Variants in KRT222 observed in about 807,000 individuals in gnomAD.
KRT222 encodes keratin-like protein KRT222.
KRT222 carries 23 observed loss-of-function variants against 35.0 expected under a neutral mutation model. That is an observed-to-expected ratio of 0.66 (90% CI 0.47 to 0.93). The LOEUF (loss-of-function observed/expected upper bound fraction) is 0.93, where lower values mean the gene tolerates loss of function less well. Among genes scored for constraint, KRT222 ranks in the 40% least tolerant of loss-of-function variants. KRT222 has a pLI of 0.00. For missense variants in KRT222, 339 were observed against 346.3 expected, an observed-to-expected ratio of 0.98 and a Z score of 0.17; for synonymous variants, 108 against 118.8, an observed-to-expected ratio of 0.91 and a Z score of 0.59.
chr17:40,661,783 G>C, intron 2 of KRT222, 133 bp downstream of exon 2: 2 of 1,137,806 alleles, frequency 1.8e-6, no homozygotes, highest in Middle Eastern at 2.1e-4. Context: ...ATTAAACTAG[G>C]ATCAGGGATA....
At chr17:40,658,157 C>G (rs2037358230) in intron 3 of KRT222, among the ~76,000 whole-genome samples, 1 of 147,606 alleles carries the variant, frequency 6.8e-6, no homozygotes, top group South Asian at 2.1e-4. Flanking sequence ...TTTTTTGGAA[C>G]TATTTTTCTT....
At position 40,655,047 on chromosome 17, in the gene KRT222, AAAT is replaced by A. The variant is rs1180477438; in HGVS notation, c.*1352_*1354del. The A allele has an allele frequency of 1.7e-4, 25 of 146,948 alleles. 1 individual carries two copies. The East Asian group carries it at 2.7e-3, about 16-fold the overall frequency. 9.1% of individuals were successfully genotyped at this position (146,948 alleles called of 1,614,324 possible). ...TTGAAATATATATATACATATATAT[AAAT>A]TATATATATGTATATATATAATAAG... On this transcript the variant is annotated 3_prime_UTR_variant, in exon 6 of 6. Transcript: ENST00000394052.
intron 3 of KRT222, among the ~76,000 whole-genome samples, chr17:40,659,483 G>C (rs576940179): frequency 6.6e-6 from 1 of 152,006 alleles, no homozygotes; most frequent in East Asian, 1.9e-4. Context: ...CTCAGGAAAG[G>C]TCTTTTTCAT....
At position 40,665,172 on chromosome 17, in the gene KRT222, C is replaced by A; in HGVS notation, c.-73G>T. 7.0e-7 allele frequency: 1 copy of A among 1,428,700 alleles called. No homozygotes were observed. 88.5% of individuals were successfully genotyped at this position (1,428,700 alleles called of 1,614,324 possible). ...GAGTCGCTGCGGCAGTCTGCTCGGT[C>A]TGCGCGGAAGGCAGGGAGCCTCGCA... On this transcript the variant is annotated 5_prime_UTR_variant, in exon 1 of 6. Coordinates refer to ENST00000394052, the MANE Select transcript of KRT222 (RefSeq NM_152349.3).
intron 3 of KRT222, 97 bp downstream of exon 3, chr17:40,659,890 T>G: frequency 1.1e-6 from 1 of 952,038 alleles, no homozygotes; most frequent in Non-Finnish European, 1.7e-6. Context: ...ATGATGATGA[T>G]GGGGTTTTTG....
rs1350868249 is a variant in KRT222, at chr17:40,655,432, TAAC to T, written c.*967_*969del. 3 of 152,142 alleles carry T rather than the reference TAAC, an allele frequency of 2.0e-5. No homozygotes were observed. Among genetic ancestry groups the T allele is most frequent in the Non-Finnish European group, 4.4e-5 (3 of 67,964 alleles). The allele number at this position is 152,142 out of a possible 1,614,324, so 9.4% of individuals were successfully genotyped here. A position where few individuals can be genotyped will look rare whatever the true frequency, so the allele number is the denominator to read the frequency against. Reference sequence around the variant, plus strand: ...ATCCTCTAAATACTCTTAGCTTAGATAACAATACCGTTATCTTAGTTCACATAA... The same window carrying T: ...ATCCTCTAAATACTCTTAGCTTAGATAATACCGTTATCTTAGTTCACATAA... On this transcript the variant is annotated 3_prime_UTR_variant, in exon 6 of 6. Transcript: ENST00000394052.
rs773379260 is a variant in KRT222 at position 40,662,064 on chromosome 17, C to G, written c.97-20G>C. ...TTCTAGCTAACAAGAAAGCCAACAG[C>G]AACAATAACAAACAAAAAACAAGGA... On this transcript the variant is annotated intron_variant, in intron 1 of 5. Transcript: ENST00000394052. 3 of 1,605,308 alleles carry G rather than the reference C, an allele frequency of 1.9e-6. No homozygotes were observed. The highest frequency in any genetic ancestry group is 1.1e-5 in the South Asian group (1 of 89,066).
intron 5 of KRT222, chr17:40,657,128 C>T (rs969497775): frequency 7.6e-6 from 2 of 263,444 alleles, no homozygotes; most frequent in Non-Finnish European, 1.4e-5. Context: ...AGAAGAATTG[C>T]TTGAACCCGG....
At position 40,656,418 on chromosome 17, in the gene KRT222, G is replaced by A; in HGVS notation, c.872C>T (p.Pro291Leu). The part of the protein sequence containing the change: ...RSCSIPSIKP[P>L]STAN ...ATCTTTGGATTAATTAGCTGTTGATGGAGGTTTGATAGAGGGAATACTGCA... is the reference window on the plus strand; with the variant it reads ...ATCTTTGGATTAATTAGCTGTTGATAGAGGTTTGATAGAGGGAATACTGCA... The change falls in exon 6 of 6, where the codon CCA becomes CTA. Residue 291 changes from proline to leucine, a missense_variant. Coordinates refer to ENST00000394052, the MANE Select transcript of KRT222 (RefSeq NM_152349.3). 1 of 1,612,694 alleles carries A rather than the reference G, an allele frequency of 6.2e-7. No individual in the cohort carries two copies. Among genetic ancestry groups the A allele is most frequent in the Non-Finnish European group, 8.5e-7 (1 of 1,178,830 alleles).
In KRT222 at chr17:40,656,343, G is replaced by T; in HGVS notation, c.*59C>A. On this transcript the variant is annotated 3_prime_UTR_variant, in exon 6 of 6. Coordinates refer to ENST00000394052, the MANE Select transcript of KRT222 (RefSeq NM_152349.3). ...TTACATTTTGGGACAGAGGGAGTTG[G>T]TATGGCCCACCTTGGTCCATCCTAA... 8.0e-7 allele frequency: 1 copy of T among 1,249,770 alleles called. No homozygotes were observed. The highest frequency in any genetic ancestry group is 1.2e-6 in the Non-Finnish European group (1 of 853,114). The allele number at this position is 1,249,770 out of a possible 1,614,324, so 77.4% of individuals were successfully genotyped here. A position where few individuals can be genotyped will look rare whatever the true frequency, so the allele number is the denominator to read the frequency against.
Position 40,656,606 on chromosome 17 carries a change from A to G in KRT222, c.684T>C (p.Ile228=), listed in dbSNP as rs771635247. Residue 228 remains isoleucine, a synonymous_variant, in exon 6 of 6, where the codon ATT becomes ATC. Transcript: ENST00000394052. ...TIQTEKVDEV[I]KEWEGSFFKD... is the part of the protein sequence containing the mutation. ...TAAAGAAAGAACCTTCCCATTCTTTAATAACTTCATCCACTTTCTCTGTCC... is the reference window on the plus strand; with the variant it reads ...TAAAGAAAGAACCTTCCCATTCTTTGATAACTTCATCCACTTTCTCTGTCC... The G allele has an allele frequency of 3.7e-6, 6 of 1,607,756 alleles. No individual in the cohort carries two copies. Among genetic ancestry groups the G allele is most frequent in the Non-Finnish European group, 5.1e-6 (6 of 1,174,252 alleles).
chr17:40,660,276 A>G (rs1298508890), intron 2 of KRT222, 69 bp from the exon 3 acceptor site: 1 of 1,227,186 alleles, frequency 8.1e-7, no homozygotes, highest in Non-Finnish European at 1.2e-6. Context: ...GATTTGCAAT[A>G]TCTTCATCTT....
Position 40,664,817 on chromosome 17 carries a change from T to C in KRT222, c.96+187A>G, listed in dbSNP as rs1006099535. On this transcript the variant is annotated intron_variant, in intron 1 of 5. Coordinates refer to ENST00000394052, the MANE Select transcript of KRT222 (RefSeq NM_152349.3). ...TCAATCAACACTTACTTAATGGCAATTTAACAATATAATCACAGTATTTCC... is the reference window on the plus strand; with the variant it reads ...TCAATCAACACTTACTTAATGGCAACTTAACAATATAATCACAGTATTTCC... 15 of 972,726 alleles carry C rather than the reference T, an allele frequency of 1.5e-5. No individual in the cohort carries two copies. The South Asian group carries it at 2.3e-4, about 15-fold the overall frequency. The allele number at this position is 972,726 out of a possible 1,614,324, so 60.3% of individuals were successfully genotyped here.
At position 40,656,199 on chromosome 17, in the gene KRT222, C is replaced by CAT. The variant is rs113120454; in HGVS notation, c.*201_*202dup. The CAT allele has an allele frequency of 0.012, 4,748 of 407,498 alleles. 14 individuals carry two copies. The highest frequency in any genetic ancestry group is 0.022 in the African/African-American group (1,088 of 48,714). The allele number at this position is 407,498 out of a possible 1,614,324, so 25.2% of individuals were successfully genotyped here. ...TATTTTTAAGCTACTCCCTCTCATT[C>CAT]ATATATATATATATATGTCTATCTC... On this transcript the variant is annotated 3_prime_UTR_variant, in exon 6 of 6. Transcript: ENST00000394052.
Position 40,657,704 on chromosome 17 carries a change from T to C in KRT222, c.493A>G (p.Thr165Ala). Residue 165 changes from threonine (T) to alanine (A), a missense_variant, in exon 4 of 6, where the codon ACA becomes GCA. Coordinates refer to ENST00000394052, the MANE Select transcript of KRT222 (RefSeq NM_152349.3). ...QGGKKDKKPTTSRVGFVLPSA... is the reference protein window; with the variant it reads ...QGGKKDKKPTASRVGFVLPSA... Reference sequence around the variant, plus strand: ...GGTAAAACAAAACCAACTCTACTTGTGGTAGGCTTTTTGTCTTTTTTCCCA... The same window carrying C: ...GGTAAAACAAAACCAACTCTACTTGCGGTAGGCTTTTTGTCTTTTTTCCCA... The C allele has an allele frequency of 6.2e-7, 1 of 1,612,960 alleles. No homozygotes were observed. Among genetic ancestry groups the C allele is most frequent in the African/African-American group, 1.3e-5 (1 of 75,008 alleles).
chr17:40,658,748 G>C (rs1444708955), intron 3 of KRT222, among the ~76,000 whole-genome samples: 2 of 152,104 alleles, frequency 1.3e-5, no homozygotes, highest in Non-Finnish European at 2.9e-5. Flanking sequence ...TTTTATAGAG[G>C]ACTTAGAATT....
rs907882255 is a variant in KRT222, at chr17:40,660,075, G to C, written c.358C>G (p.Gln120Glu). 3.1e-6 allele frequency: 5 copies of C among 1,614,138 alleles called. No individual in the cohort carries two copies. In the Middle Eastern group the frequency reaches 4.9e-4, roughly 160 times the overall value. ...GTGTTGAGAAGCATCTCGTGCTCTT[G>C]AAGCTGCTTTTCGATGCCGCGCCTT... The part of the protein sequence containing the change: ...EVRRGIEKQL[Q>E]EHEMLLNTKM... The change falls in exon 3 of 6, where the codon CAA becomes GAA. Residue 120 changes from glutamine to glutamate, a missense_variant. By Grantham distance (29) the Gln-to-Glu change is conservative (BLOSUM62 2). Coordinates refer to ENST00000394052, the MANE Select transcript of KRT222 (RefSeq NM_152349.3).
chr17:40,661,838 G>C lies in KRT222; in HGVS notation c.225+78C>G, dbSNP rs557198071. On this transcript the variant is annotated intron_variant, in intron 2 of 5. Coordinates refer to ENST00000394052, the MANE Select transcript of KRT222 (RefSeq NM_152349.3). ...TCCAGTTTCTCATGGTAAATAAACA[G>C]ACATTCATCTTTTCCTTCTCTTAAT... 10 of 1,513,398 alleles carry C rather than the reference G, an allele frequency of 6.6e-6. No individual in the cohort carries two copies. In the African/African-American group the frequency reaches 1.4e-4, roughly 21 times the overall value. The allele number at this position is 1,513,398 out of a possible 1,614,324, so 93.7% of individuals were successfully genotyped here. A position where few individuals can be genotyped will look rare whatever the true frequency, so the allele number is the denominator to read the frequency against.
In KRT222 at chr17:40,660,080, T is replaced by C; in HGVS notation, c.353A>G (p.Gln118Arg). The change falls in exon 3 of 6, where the codon CAG becomes CGG. Residue 118 changes from glutamine to arginine, a missense_variant. By Grantham distance (43) the Gln-to-Arg change is conservative. Coordinates refer to ENST00000394052, the MANE Select transcript of KRT222 (RefSeq NM_152349.3). ...LQEVRRGIEK[Q>R]LQEHEMLLNT... Reference sequence around the variant, plus strand: ...GAGAAGCATCTCGTGCTCTTGAAGCTGCTTTTCGATGCCGCGCCTTACTTC... The same window carrying C: ...GAGAAGCATCTCGTGCTCTTGAAGCCGCTTTTCGATGCCGCGCCTTACTTC... The C allele has an allele frequency of 6.2e-7, 1 of 1,614,180 alleles. No individual in the cohort carries two copies.
Sources: allele counts gnomAD v4.1 joint callset (sites outside exome capture counted in the v4.1 genomes callset), GRCh38; gene constraint gnomAD v4.1.1; transcripts MANE v1.5; gene names NCBI Gene and HGNC (gene_info 2026-07-23, HGNC 2026-07-21).